Variants in LMO7 observed in about 807,000 individuals in gnomAD.
LMO7 encodes the protein LIM domain only protein 7.
A neutral mutation model predicts 206.5 loss-of-function variants in LMO7; 120 were observed. The observed-to-expected ratio is 0.58, with a 90% CI of 0.50 to 0.68. The LOEUF (loss-of-function observed/expected upper bound fraction) is 0.68, where lower values mean the gene tolerates loss of function less well. Among genes scored for constraint, LMO7 ranks in the 30% least tolerant of loss-of-function variants. LMO7 has a pLI of 0.00. For missense variants in LMO7, 1,959 were observed against 1,957.9 expected (o/e 1.00, Z -0.01); for synonymous variants, 706 against 681.5 (o/e 1.04, Z -0.56).
At chr13:75,631,007 T>C (rs2034869541) in intron 2 of LMO7, among the ~76,000 whole-genome samples, 3 of 151,656 alleles carry the variant, frequency 2.0e-5, no homozygotes, top group Admixed American at 1.3e-4. Context: ...TGCCACTGAA[T>C]GTCCTTTTAC....
In LMO7 at chr13:75,807,915, C is replaced by G. The variant is rs2585628; in HGVS notation, c.1632C>G (p.Pro544=). 3.7e-6 allele frequency: 6 copies of G among 1,613,798 alleles called. No individual in the cohort carries two copies. Among genetic ancestry groups the G allele is most frequent in the African/African-American group, 2.7e-5 (2 of 74,896 alleles). ...APDRYHPVPF[P]EPWTLPPEIQ... ...ATAGATACCACCCAGTCCCTTTTCC[C>G]GAACCCTGGACTCTTCCTCCAGAAA... Residue 544 remains proline (P), a synonymous_variant, in exon 10 of 31, where the codon CCC becomes CCG. Coordinates refer to ENST00000377534, the MANE Select transcript of LMO7 (RefSeq NM_001306080.2).
At chr13:75,679,346 G>C (rs1337949068) in intron 1 of LMO7, among the ~76,000 whole-genome samples, 1 of 152,214 alleles carries the variant, frequency 6.6e-6, no homozygotes, top group Non-Finnish European at 1.5e-5. Flanking sequence ...AATAGGCTGA[G>C]AGCGGCAGTT....
intron 3 of LMO7, among the ~76,000 whole-genome samples, chr13:75,732,964 G>A (rs534650341): frequency 4.6e-5 from 7 of 152,290 alleles, no homozygotes; most frequent in African/African-American, 1.7e-4. Context: ...GAATGCTGCT[G>A]TCTGATCGTT....
chr13:75,769,009 C>T (rs1380922836), intron 4 of LMO7, among the ~76,000 whole-genome samples: 1 of 151,950 alleles, frequency 6.6e-6, no homozygotes, highest in East Asian at 1.9e-4. Context: ...AGATGAAAGC[C>T]ATGCTTATTA....
intron 1 of LMO7, among the ~76,000 whole-genome samples, chr13:75,686,977 C>T (rs913726088): frequency 6.6e-6 from 1 of 152,102 alleles, no homozygotes; most frequent in African/African-American, 2.4e-5. Context: ...GGTCTCCATT[C>T]TCATGATCTA....
At chr13:75,810,967 G>A (rs2056310265) in intron 11 of LMO7, among the ~76,000 whole-genome samples, 1 of 152,198 alleles carries the variant, frequency 6.6e-6, no homozygotes, top group Admixed American at 6.5e-5. Flanking sequence ...TTTAAAGGCT[G>A]TTGTGCATGC....
intron 4 of LMO7, among the ~76,000 whole-genome samples, chr13:75,789,642 C>T (rs942706040): frequency 6.6e-6 from 1 of 152,126 alleles, no homozygotes; most frequent in Non-Finnish European, 1.5e-5. Context: ...AGTGTGGCTC[C>T]AGCTCCCTGC....
At chr13:75,818,787 C>T (rs1390949091) in intron 12 of LMO7, among the ~76,000 whole-genome samples, 3 of 152,160 alleles carry the variant, frequency 2.0e-5, no homozygotes, top group Admixed American at 6.5e-5. Context: ...CTTCTTAGGA[C>T]CCCACTGTCT....
chr13:75,784,970 A>G (rs148215014), intron 4 of LMO7, among the ~76,000 whole-genome samples: 136 of 152,292 alleles, frequency 8.9e-4, no homozygotes, highest in African/African-American at 3.1e-3. Context: ...TCATTTACTT[A>G]TAAGTCTTTT....
intron 30 of LMO7, 200 bp downstream of exon 30, chr13:75,856,808 G>A: frequency 2.1e-6 from 1 of 486,762 alleles, no homozygotes; most frequent in Non-Finnish European, 3.7e-6. Flanking sequence ...CACAGGAGTG[G>A]GTTGTGGGGC....
chr13:75,728,129 G>T (rs913831294), intron 3 of LMO7, among the ~76,000 whole-genome samples: 2 of 152,084 alleles, frequency 1.3e-5, no homozygotes, highest in Non-Finnish European at 2.9e-5. Flanking sequence ...AATCCTTTGG[G>T]TATATACCCA....
upstream of LMO7, among the ~76,000 whole-genome samples, chr13:75,633,831 G>A (rs943455486): frequency 1.4e-5 from 2 of 142,804 alleles, no homozygotes; most frequent in Non-Finnish European, 3.0e-5. Flanking sequence ...ATGTAGGAAC[G>A]TGTCTTTTCC....
At chr13:75,744,851 A>G (rs1262067229) in intron 3 of LMO7, among the ~76,000 whole-genome samples, 4 of 152,198 alleles carry the variant, frequency 2.6e-5, no homozygotes, top group Admixed American at 2.6e-4. Flanking sequence ...TGCAGGGAGT[A>G]CAGCCTTGTC....
intron 24 of LMO7, among the ~76,000 whole-genome samples, chr13:75,842,305 T>A (rs9593133): frequency 6.6e-6 from 1 of 151,878 alleles, no homozygotes; most frequent in Non-Finnish European, 1.5e-5. Flanking sequence ...CTCCTGTTTC[T>A]TCCTTGAAAA....
chr13:75,754,832 T>C (rs1594752401), intron 3 of LMO7, among the ~76,000 whole-genome samples: 1 of 152,338 alleles, frequency 6.6e-6, no homozygotes, highest in East Asian at 1.9e-4. Flanking sequence ...TGTCTTACCC[T>C]TGACACCAGT....
At chr13:75,804,840 G>A (rs1293939262) in intron 8 of LMO7, 3 of 1,081,308 alleles carry the variant, frequency 2.8e-6, no homozygotes. Context: ...GCCATGTAAT[G>A]TTTTTCCTTT....
chr13:75,760,906 C>G, intron 3 of LMO7, 26 bp from the exon 4 acceptor site: 1 of 1,612,220 alleles, frequency 6.2e-7, no homozygotes, highest in Non-Finnish European at 8.5e-7. Context: ...CTCAGCTAAG[C>G]AATCACTTTC....
At chr13:75,706,166 C>T (rs547345420) in intron 1 of LMO7, among the ~76,000 whole-genome samples, 1 of 152,240 alleles carries the variant, frequency 6.6e-6, no homozygotes, top group East Asian at 1.9e-4. Context: ...TTCAGAATTG[C>T]AGGTAGAAAG....
At chr13:75,803,876 T>G (rs2055097834) in intron 7 of LMO7, among the ~76,000 whole-genome samples, 1 of 152,146 alleles carries the variant, frequency 6.6e-6, no homozygotes. Context: ...ATATTATAGA[T>G]AGCTGCATGC....
Sources: allele counts gnomAD v4.1 joint callset (sites outside exome capture counted in the v4.1 genomes callset), GRCh38; gene constraint gnomAD v4.1.1; transcripts MANE v1.5; gene names NCBI Gene and HGNC (gene_info 2026-07-23, HGNC 2026-07-21).